Variants in CA10 observed in about 807,000 individuals in gnomAD.
CA10 encodes carbonic anhydrase 10 (inactive).
In CA10, 14 loss-of-function variants were observed where a neutral mutation model predicts 44.2. The observed-to-expected ratio is 0.32, with a 90% CI of 0.21 to 0.50. The LOEUF (loss-of-function observed/expected upper bound fraction) is 0.50. CA10 is among the 20% of genes least tolerant of loss of function. The probability of loss-of-function intolerance (pLI) is 0.99; values close to 1 mark genes in which losing one functional copy is unlikely to be tolerated. For synonymous variants in CA10, 159 were observed against 141.6 expected, an observed-to-expected ratio of 1.12 and a Z score of -0.87; for missense variants, 350 against 409.7, an observed-to-expected ratio of 0.85 and a Z score of 1.26.
intron 3 of CA10, among the ~76,000 whole-genome samples, chr17:51,884,455 T>C (rs1417963492): frequency 6.6e-6 from 1 of 152,202 alleles, no homozygotes; most frequent in African/African-American, 2.4e-5. Context: ...TTCTCCCTGC[T>C]TGGGCTATTC....
chr17:51,892,038 C>A (rs1182939363), intron 3 of CA10, among the ~76,000 whole-genome samples: 1 of 152,226 alleles, frequency 6.6e-6, no homozygotes, highest in Non-Finnish European at 1.5e-5. Flanking sequence ...TAGTTCATGG[C>A]ATTCGCCAGA....
intron 2 of CA10, among the ~76,000 whole-genome samples, chr17:51,941,946 C>G (rs1324563771): frequency 1.3e-5 from 2 of 152,242 alleles, no homozygotes; most frequent in East Asian, 1.9e-4. Flanking sequence ...CACTCACTCT[C>G]TCTGTACGTA....
chr17:51,910,182 G>T (rs1981732304), intron 3 of CA10, among the ~76,000 whole-genome samples: 1 of 152,010 alleles, frequency 6.6e-6, no homozygotes, highest in South Asian at 2.1e-4. Context: ...TTAGAGAGGG[G>T]CATGGTGAGA....
At chr17:51,944,715 A>G (rs1983210252) in intron 2 of CA10, among the ~76,000 whole-genome samples, 1 of 152,160 alleles carries the variant, frequency 6.6e-6, no homozygotes, top group Non-Finnish European at 1.5e-5. Context: ...GATAGATGTT[A>G]TCTCTGGATA....
At chr17:51,698,298 T>G (rs1915471038) in intron 4 of CA10, among the ~76,000 whole-genome samples, 1 of 152,244 alleles carries the variant, frequency 6.6e-6, no homozygotes, top group Admixed American at 6.5e-5. Context: ...CAGCGTGTGC[T>G]CCAAGCCTTT....
intron 4 of CA10, among the ~76,000 whole-genome samples, chr17:51,695,068 A>G (rs115157891): frequency 0.012 from 1,775 of 152,232 alleles, 32 homozygotes; most frequent in African/African-American, 0.041. Context: ...GCCTTATAGC[A>G]TAGTTTGAAG....
At chr17:52,010,192 C>T (rs973949466) in intron 2 of CA10, among the ~76,000 whole-genome samples, 1 of 151,796 alleles carries the variant, frequency 6.6e-6, no homozygotes, top group Admixed American at 6.6e-5. Flanking sequence ...AACAGTGTGG[C>T]GATTACTTAA....
chr17:51,821,058 TCC>T (rs1907770587), intron 3 of CA10, among the ~76,000 whole-genome samples: 1 of 59,550 alleles, frequency 1.7e-5, no homozygotes, highest in Admixed American at 2.1e-4. Context: ...CCTCCCTCCC[TCC>T]CTCTCTCCCT....
chr17:51,981,448 TA>T (rs1984650664), intron 2 of CA10, among the ~76,000 whole-genome samples: 1 of 151,970 alleles, frequency 6.6e-6, no homozygotes, highest in Non-Finnish European at 1.5e-5. Context: ...AGGACTATAT[TA>T]TATGAAATTC....
intron 2 of CA10, among the ~76,000 whole-genome samples, chr17:52,013,352 CAT>C (rs1985868392): frequency 6.6e-6 from 1 of 151,676 alleles, no homozygotes; most frequent in African/African-American, 2.4e-5. Flanking sequence ...AAATCACAAT[CAT>C]AATGAAAGAA....
At chr17:52,152,555 G>A (rs1989725101) in intron 1 of CA10, among the ~76,000 whole-genome samples, 1 of 151,870 alleles carries the variant, frequency 6.6e-6, no homozygotes, top group African/African-American at 2.4e-5. Context: ...TACAATTTAT[G>A]CCAATTATTA....
intron 1 of CA10, among the ~76,000 whole-genome samples, chr17:52,132,151 T>C (rs1272016643): frequency 1.3e-5 from 2 of 151,970 alleles, no homozygotes; most frequent in Non-Finnish European, 2.9e-5. Context: ...TATGTACATG[T>C]ACCCTAAAAC....
Position 51,707,669 on chromosome 17 carries a change from A to ATG in CA10, c.465+39963_465+39964insCA, listed in dbSNP as rs1491192056. On this transcript the variant is annotated intron_variant, in intron 4 of 8. Transcript: ENST00000451037. Reference sequence around the variant, plus strand: ...GTGTGCAGGGAAGGAAAGTGGATGAATATGTGTGTGTGTGTGTGTGTGTGT... The same window carrying ATG: ...GTGTGCAGGGAAGGAAAGTGGATGAATGTATGTGTGTGTGTGTGTGTGTGTGT... Among the ~76,000 whole-genome samples the ATG allele has an allele frequency of 4.3e-3, 173 of 39,824 alleles. 1 individual carries two copies. The highest frequency in any genetic ancestry group is 0.011 in the African/African-American group (165 of 15,214). 26.1% of individuals were successfully genotyped at this position (39,824 alleles called of 152,430 possible).
chr17:51,992,448 G>T (rs1195763565), intron 2 of CA10, among the ~76,000 whole-genome samples: 1 of 152,010 alleles, frequency 6.6e-6, no homozygotes, highest in Non-Finnish European at 1.5e-5. Context: ...CTATAGCTTA[G>T]CCCAGTTCCT....
chr17:51,907,511 T>C (rs1981608188), intron 3 of CA10, among the ~76,000 whole-genome samples: 1 of 152,162 alleles, frequency 6.6e-6, no homozygotes. Context: ...ATTGGTTTAA[T>C]ATCTGTTCCT....
At chr17:51,650,612 C>T (rs542744973) in intron 5 of CA10, among the ~76,000 whole-genome samples, 1 of 152,296 alleles carries the variant, frequency 6.6e-6, no homozygotes, top group African/African-American at 2.4e-5. Flanking sequence ...GTGCTATATT[C>T]AACATCTACT....
At chr17:51,692,413 A>ATCTG (rs1555585284) in intron 4 of CA10, among the ~76,000 whole-genome samples, 15 of 125,350 alleles carry the variant, frequency 1.2e-4, no homozygotes, top group African/African-American at 3.7e-4. Flanking sequence ...CTATCTATCT[A>ATCTG]TCTATCTATC....
chr17:51,830,781 G>A (rs1338978005), intron 3 of CA10, among the ~76,000 whole-genome samples: 2 of 152,238 alleles, frequency 1.3e-5, no homozygotes, highest in East Asian at 3.9e-4. Context: ...GTGTCATCTA[G>A]TAGATATTTG....
At chr17:51,663,644 A>C (rs1029585935) in intron 4 of CA10, among the ~76,000 whole-genome samples, 1 of 152,224 alleles carries the variant, frequency 6.6e-6, no homozygotes, top group African/African-American at 2.4e-5. Context: ...TCAGGTGTAC[A>C]TGGGATAAAG....
Sources: gnomAD v4.1 joint callset for allele counts (sites outside exome capture counted in the v4.1 genomes callset) on GRCh38, gnomAD v4.1.1 for gene constraint, MANE v1.5 for transcripts, NCBI Gene and HGNC (gene_info 2026-07-23, HGNC 2026-07-21) for gene names.